Variants in RBMS3 observed in about 807,000 individuals in gnomAD.
RBMS3 encodes RNA binding motif single stranded interacting protein 3.
RBMS3 carries 27 observed loss-of-function variants against 66.8 expected under a neutral mutation model. The ratio of observed to expected loss-of-function variants is 0.40; its 90% CI spans 0.30 to 0.56. The LOEUF (loss-of-function observed/expected upper bound fraction) is 0.56, where lower values mean the gene tolerates loss of function less well. RBMS3 is among the 20% of genes least tolerant of loss of function. The pLI is 0.40. For missense variants in RBMS3, 513 were observed against 549.5 expected (o/e 0.93, Z 0.66); for synonymous variants, 188 against 183.0 (o/e 1.03, Z -0.22).
At chr3:29,581,536 G>A (rs1444299625) in intron 3 of RBMS3, among the ~76,000 whole-genome samples, 1 of 152,110 alleles carries the variant, frequency 6.6e-6, no homozygotes, top group Non-Finnish European at 1.5e-5. Context: ...TGGAAGGTGG[G>A]GAAGGATTTA....
intron 1 of RBMS3, among the ~76,000 whole-genome samples, chr3:29,324,627 G>T (rs2035207011): frequency 6.8e-6 from 1 of 146,456 alleles, no homozygotes; most frequent in Admixed American, 6.6e-5. Context: ...CAGCATTGTA[G>T]AGCTCCAAGA....
intron 7 of RBMS3, among the ~76,000 whole-genome samples, chr3:29,883,340 A>T (rs1251357142): frequency 1.3e-5 from 2 of 152,084 alleles, no homozygotes; most frequent in Non-Finnish European, 2.9e-5. Flanking sequence ...TGAGCAAGTC[A>T]CTTGACCTTT....
intron 12 of RBMS3, among the ~76,000 whole-genome samples, chr3:29,952,463 A>G (rs1415440915): frequency 6.6e-6 from 1 of 151,862 alleles, no homozygotes; most frequent in Non-Finnish European, 1.5e-5. Flanking sequence ...GTGAGACATC[A>G]AGGCTCTTGT....
chr3:29,763,693 T>G (rs1014096708), intron 6 of RBMS3, among the ~76,000 whole-genome samples: 5 of 152,182 alleles, frequency 3.3e-5, no homozygotes, highest in Admixed American at 6.6e-5. Flanking sequence ...TTATTATGTG[T>G]ATCAGAGCTA....
At chr3:29,876,770 G>A (rs951681840) in intron 7 of RBMS3, among the ~76,000 whole-genome samples, 1 of 152,112 alleles carries the variant, frequency 6.6e-6, no homozygotes, top group African/African-American at 2.4e-5. Flanking sequence ...AGGCCCAGGG[G>A]TAATGCTCCA....
At chr3:29,776,689 A>G (rs1316490189) in intron 6 of RBMS3, among the ~76,000 whole-genome samples, 1 of 151,950 alleles carries the variant, frequency 6.6e-6, no homozygotes, top group African/African-American at 2.4e-5. Context: ...TTTCATCAAC[A>G]TCCACCTTCT....
intron 3 of RBMS3, among the ~76,000 whole-genome samples, chr3:29,580,870 T>C (rs2047305553): frequency 6.6e-6 from 1 of 152,184 alleles, no homozygotes; most frequent in African/African-American, 2.4e-5. Context: ...ACCTGTTTTC[T>C]GTATAGTGGA....
At chr3:29,328,793 T>C (rs2035487582) in intron 1 of RBMS3, among the ~76,000 whole-genome samples, 2 of 152,168 alleles carry the variant, frequency 1.3e-5, no homozygotes, top group South Asian at 2.1e-4. Context: ...GTTTACGTGT[T>C]TATTTTTATT....
intron 2 of RBMS3, among the ~76,000 whole-genome samples, chr3:29,441,469 G>T (rs1420740235): frequency 6.6e-6 from 1 of 152,030 alleles, no homozygotes; most frequent in Non-Finnish European, 1.5e-5. Context: ...CTATGAAGTG[G>T]GAATAATACT....
intron 4 of RBMS3, among the ~76,000 whole-genome samples, chr3:29,649,913 C>T (rs533120543): frequency 6.6e-6 from 1 of 152,286 alleles, no homozygotes; most frequent in Admixed American, 6.5e-5. Context: ...ACAAACTCCA[C>T]ATTAAACTGG....
chr3:29,741,114 T>C (rs79756040), intron 5 of RBMS3, among the ~76,000 whole-genome samples: 1 of 152,038 alleles, frequency 6.6e-6, no homozygotes, highest in African/African-American at 2.4e-5. Context: ...CAAATCGTCA[T>C]GTATATGTTA....
intron 6 of RBMS3, among the ~76,000 whole-genome samples, chr3:29,822,594 A>G (rs557416913): frequency 2.6e-5 from 4 of 152,306 alleles, no homozygotes; most frequent in East Asian, 1.9e-4. Context: ...ATGTGTCTAC[A>G]TATTTCAATG....
chr3:29,581,000 A>G (rs555486598), intron 3 of RBMS3, among the ~76,000 whole-genome samples: 30 of 152,288 alleles, frequency 2.0e-4, no homozygotes, highest in Admixed American at 4.6e-4. Flanking sequence ...TATATTTTTA[A>G]GACATTTGAA....
intron 7 of RBMS3, among the ~76,000 whole-genome samples, chr3:29,871,526 A>G (rs2059491138): frequency 6.6e-6 from 1 of 152,138 alleles, no homozygotes; most frequent in African/African-American, 2.4e-5. Flanking sequence ...AACTTTATAA[A>G]GAGATCATTT....
chr3:29,883,953 A>G (rs778779687), intron 7 of RBMS3, among the ~76,000 whole-genome samples: 21 of 152,034 alleles, frequency 1.4e-4, no homozygotes, highest in South Asian at 4.1e-4. Flanking sequence ...ATGTCTGAAT[A>G]TATAATATAA....
chr3:29,996,635 C>T (rs553603975), intron 14 of RBMS3, among the ~76,000 whole-genome samples: 1 of 151,450 alleles, frequency 6.6e-6, no homozygotes. Context: ...TGCTCAACTA[C>T]ATGGAAACTG....
chr3:29,895,982 A>G (rs1364209718), intron 8 of RBMS3, among the ~76,000 whole-genome samples: 1 of 151,428 alleles, frequency 6.6e-6, no homozygotes, highest in African/African-American at 2.4e-5. Flanking sequence ...TAAACGTCAC[A>G]ACTATAAATT....
chr3:29,312,489 T>C (rs2034438633), intron 1 of RBMS3, among the ~76,000 whole-genome samples: 1 of 151,828 alleles, frequency 6.6e-6, no homozygotes, highest in Non-Finnish European at 1.5e-5. Context: ...AATTTATTCA[T>C]GAAATAGTGG....
chr3:29,852,549 CAT>C (rs2058961987), intron 6 of RBMS3, among the ~76,000 whole-genome samples: 1 of 152,078 alleles, frequency 6.6e-6, no homozygotes. Context: ...CCAATTCAAA[CAT>C]ATGAAAAAAA....
Sources: allele counts gnomAD v4.1 joint callset (sites outside exome capture counted in the v4.1 genomes callset), GRCh38; gene constraint gnomAD v4.1.1; transcripts MANE v1.5; gene names NCBI Gene and HGNC (gene_info 2026-07-23, HGNC 2026-07-21).